Variants in KIAA1217 observed in about 807,000 individuals in gnomAD.
KIAA1217 encodes sickle tail protein homolog.
KIAA1217 carries 88 observed loss-of-function variants against 163.9 expected under a neutral mutation model. That is an observed-to-expected ratio of 0.54 (90% confidence interval 0.45 to 0.64). The LOEUF (loss-of-function observed/expected upper bound fraction) is 0.64, where lower values mean the gene tolerates loss of function less well. KIAA1217 is among the 30% of genes least tolerant of loss of function. The pLI is 0.00. For missense variants in KIAA1217, 2,372 were observed against 2,475.0 expected (o/e 0.96, Z 0.88); for synonymous variants, 903 against 923.1 (o/e 0.98, Z 0.39).
chr10:23,947,274 T>C lies in KIAA1217; in HGVS notation c.-320-59951T>C, dbSNP rs1437724234. ...GAATTCATTCATCTCTAATAAAATG[T>C]ATTTATGACTAGAAGAAAAGATGTA... On this transcript the variant is annotated intron_variant, in intron 1 of 18. Coordinates refer to the KIAA1217 transcript ENST00000376462. 2.0e-5 allele frequency among the ~76,000 whole-genome samples: 3 copies of C among 152,218 alleles called. No homozygotes were observed. In the East Asian group the frequency reaches 5.8e-4, roughly 29 times the overall value.
chr10:23,832,008 C>T (rs1354007169), intron 1 of KIAA1217, among the ~76,000 whole-genome samples: 3 of 152,172 alleles, frequency 2.0e-5, no homozygotes, highest in African/African-American at 7.2e-5. Context: ...GGACAATTCT[C>T]TAGTGGACAC....
chr10:23,934,484 TG>T (rs1341496540), intron 1 of KIAA1217, among the ~76,000 whole-genome samples: 30 of 140,122 alleles, frequency 2.1e-4, no homozygotes, highest in African/African-American at 8.4e-4. Flanking sequence ...ATTCTGCACA[TG>T]TATCTCATTT....
chr10:24,414,984 G>C (rs1187793687), intron 3 of KIAA1217, among the ~76,000 whole-genome samples: 1 of 152,136 alleles, frequency 6.6e-6, no homozygotes, highest in Non-Finnish European at 1.5e-5. Flanking sequence ...TGGAAAGCTA[G>C]GTTTGTGAAG....
intron 2 of KIAA1217, among the ~76,000 whole-genome samples, chr10:24,331,602 A>G (rs955029898): frequency 6.6e-6 from 1 of 152,242 alleles, no homozygotes; most frequent in Non-Finnish European, 1.5e-5. Context: ...TGGGTGGCCA[A>G]TAAGAATGCT....
intron 2 of KIAA1217, among the ~76,000 whole-genome samples, chr10:24,337,162 C>G (rs2046449335): frequency 6.6e-6 from 1 of 152,152 alleles, no homozygotes; most frequent in South Asian, 2.1e-4. Flanking sequence ...AATCGTACAC[C>G]TGATAAGGGA....
chr10:23,743,761 G>A (rs1364468700), intron 1 of KIAA1217, among the ~76,000 whole-genome samples: 1 of 152,182 alleles, frequency 6.6e-6, no homozygotes, highest in Non-Finnish European at 1.5e-5. Context: ...AGTGGCTATA[G>A]AAGGCAGGAT....
At chr10:23,916,386 C>T (rs74123155) in intron 1 of KIAA1217, among the ~76,000 whole-genome samples, 6,291 of 152,280 alleles carry the variant, frequency 0.041, 425 homozygotes, top group African/African-American at 0.14. Flanking sequence ...CTTCACAGCC[C>T]GGCTCAGTTG....
At chr10:24,525,947 C>T (rs1024907904) in intron 13 of KIAA1217, among the ~76,000 whole-genome samples, 17 of 152,274 alleles carry the variant, frequency 1.1e-4, no homozygotes, top group African/African-American at 2.4e-4. Context: ...GCCAAGATCA[C>T]GCCACTGCAC....
chr10:24,288,851 T>C (rs2078819132), intron 2 of KIAA1217, among the ~76,000 whole-genome samples: 1 of 152,344 alleles, frequency 6.6e-6, no homozygotes, highest in Non-Finnish European at 1.5e-5. Flanking sequence ...GACTTAATCC[T>C]GTAGGCACTG....
chr10:24,403,058 C>T (rs186615993), intron 3 of KIAA1217, among the ~76,000 whole-genome samples: 16 of 152,168 alleles, frequency 1.1e-4, no homozygotes, highest in East Asian at 1.9e-4. Flanking sequence ...ACAAAAAAAA[C>T]TCAAAATAGA....
At chr10:23,892,905 C>T (rs545173870) in intron 1 of KIAA1217, among the ~76,000 whole-genome samples, 2 of 151,932 alleles carry the variant, frequency 1.3e-5, no homozygotes, top group South Asian at 4.2e-4. Flanking sequence ...CCTTATGGTG[C>T]GGAAAACAAC....
At chr10:24,363,791 T>G (rs1370636515) in intron 2 of KIAA1217, among the ~76,000 whole-genome samples, 3 of 151,930 alleles carry the variant, frequency 2.0e-5, no homozygotes, top group East Asian at 1.9e-4. Flanking sequence ...AAGCTGGTTT[T>G]GCACACCTGA....
At chr10:24,361,245 G>C (rs990101353) in intron 2 of KIAA1217, among the ~76,000 whole-genome samples, 63 of 151,920 alleles carry the variant, frequency 4.1e-4, no homozygotes, top group African/African-American at 1.4e-3. Context: ...GGAGTGTAGT[G>C]GCGCAATCAC....
chr10:24,049,030 CAAAAAAA>C (rs59235039), intron 2 of KIAA1217, among the ~76,000 whole-genome samples: 26 of 86,180 alleles, frequency 3.0e-4, no homozygotes, highest in African/African-American at 5.7e-4. Context: ...TACTCTGTCT[CAAAAAAA>C]AAAAAAAAAA....
At chr10:24,538,432 T>A (rs2135316945) in intron 17 of KIAA1217, among the ~76,000 whole-genome samples, 1 of 151,906 alleles carries the variant, frequency 6.6e-6, no homozygotes, top group South Asian at 2.1e-4. Context: ...AATCCCAGCA[T>A]TTTAGGAGGC....
At chr10:24,039,515 A>G (rs1471557963) in intron 2 of KIAA1217, among the ~76,000 whole-genome samples, 1 of 152,080 alleles carries the variant, frequency 6.6e-6, no homozygotes, top group African/African-American at 2.4e-5. Flanking sequence ...GATACTCTAT[A>G]GTGTTTTGTG....
chr10:24,414,969 C>T (rs775324885), intron 3 of KIAA1217, among the ~76,000 whole-genome samples: 5 of 152,120 alleles, frequency 3.3e-5, no homozygotes, highest in East Asian at 1.9e-4. Context: ...TTTTTAAGGG[C>T]GGATTGGAAA....
intron 14 of KIAA1217, 152 bp downstream of exon 14, chr10:24,528,271 G>A (rs778786605): frequency 8.1e-6 from 5 of 614,570 alleles, no homozygotes; most frequent in Non-Finnish European, 1.4e-5. Context: ...CAAATCCTCT[G>A]GTGTTCCTTA....
intron 1 of KIAA1217, among the ~76,000 whole-genome samples, chr10:23,727,950 A>C (rs1260432487): frequency 6.6e-6 from 1 of 152,118 alleles, no homozygotes; most frequent in Non-Finnish European, 1.5e-5. Flanking sequence ...TTCCAGCTTC[A>C]TCCATGTCCC....
Sources: allele counts gnomAD v4.1 joint callset (sites outside exome capture counted in the v4.1 genomes callset), GRCh38; gene constraint gnomAD v4.1.1; transcripts MANE v1.5; gene names NCBI Gene and HGNC (gene_info 2026-07-23, HGNC 2026-07-21).